The following CDH4 variants were observed in gnomAD, a reference collection of about 807,000 sequenced individuals.
The protein encoded by CDH4 is cadherin 4, also known as cadherin-4.
A neutral mutation model predicts 86.0 loss-of-function variants in CDH4; 33 were observed. The observed-to-expected ratio is 0.38, with a 90% CI of 0.29 to 0.51. The LOEUF (loss-of-function observed/expected upper bound fraction) is 0.51. CDH4 is among the 20% of genes least tolerant of loss of function. The pLI is 0.86. For missense variants in CDH4, 1,114 were observed against 1,307.4 expected, an observed-to-expected ratio of 0.85 and a Z score of 2.28; for synonymous variants, 555 against 549.4, an observed-to-expected ratio of 1.01 and a Z score of -0.14.
At chr20:61,617,089 A>G (rs930886308) in intron 2 of CDH4, among the ~76,000 whole-genome samples, 2 of 152,132 alleles carry the variant, frequency 1.3e-5, no homozygotes, top group Non-Finnish European at 2.9e-5. Flanking sequence ...CACTTGGTCC[A>G]TTTCTCAAGA....
chr20:61,388,473 G>A (rs1345001300), intron 2 of CDH4, among the ~76,000 whole-genome samples: 2 of 152,286 alleles, frequency 1.3e-5, no homozygotes, highest in Non-Finnish European at 1.5e-5. Context: ...CTGAGCCCTC[G>A]AAGGGGTGCA....
chr20:61,480,257 C>T lies in CDH4; in HGVS notation c.169+225320C>T, dbSNP rs1397068118. Among the ~76,000 whole-genome samples the T allele has an allele frequency of 2.0e-5, 3 of 152,140 alleles. No individual in the cohort carries two copies. The highest frequency in any genetic ancestry group is 4.4e-5 in the Non-Finnish European group (3 of 68,014). The stretch of plus-strand genomic sequence containing the variant: ...CCCCAGGCTCCCCCTCTCGTGGTAG[C>T]CTGGAAACTCCCCAAGCGGAAGCCG... On this transcript the variant is annotated intron_variant, in intron 2 of 15. Transcript: ENST00000614565. The surrounding 1 kb of genome is among the most constrained non-coding windows in gnomAD (Gnocchi z 5.2).
In CDH4 at chr20:61,597,687, C is replaced by T. The variant is rs369139054; in HGVS notation, c.170-145876C>T. The stretch of plus-strand genomic sequence containing the variant: ...AGGGCCTCCTTGGGTGGGTGGGAGG[C>T]AGGGGCAGCTTCAGCAGGGGTGCGC... On this transcript the variant is annotated intron_variant, in intron 2 of 15. Transcript: ENST00000614565. 7.9e-5 allele frequency among the ~76,000 whole-genome samples: 12 copies of T among 152,278 alleles called. No homozygotes were observed. The South Asian group carries it at 8.3e-4, about 11-fold the overall frequency.
intron 2 of CDH4, among the ~76,000 whole-genome samples, chr20:61,602,902 G>T (rs2086613904): frequency 6.6e-6 from 1 of 152,326 alleles, no homozygotes; most frequent in South Asian, 2.1e-4. Context: ...GTGGTCTCCA[G>T]ACCAGCGAAT....
chr20:61,699,034 C>T (rs931841913), intron 2 of CDH4, among the ~76,000 whole-genome samples: 1 of 152,264 alleles, frequency 6.6e-6, no homozygotes, highest in African/African-American at 2.4e-5. Context: ...CAGGTCCCCA[C>T]AGTGGCTGGT....
At chr20:61,519,922 G>A (rs1040094085) in intron 2 of CDH4, among the ~76,000 whole-genome samples, 6 of 152,218 alleles carry the variant, frequency 3.9e-5, no homozygotes, top group Admixed American at 2.6e-4. Context: ...AGTGGTGCCC[G>A]CCGACTCTGC....
At position 61,929,855 on chromosome 20, in the gene CDH4, G is replaced by A. The variant is rs754057099; in HGVS notation, c.2239+13G>A. The A allele has an allele frequency of 1.9e-6, 3 of 1,605,160 alleles. No homozygotes were observed. Among genetic ancestry groups the A allele is most frequent in the Non-Finnish European group, 2.6e-6 (3 of 1,172,344 alleles). ...CTCATCCTGCTGAGTGAGTGTGGCT[G>A]AGCACCAGGGTGGGCAGGGGCATTG... On this transcript the variant is annotated intron_variant, in intron 13 of 15. Transcript: ENST00000614565.
chr20:61,876,985 T>C lies in CDH4; in HGVS notation c.1050+3085T>C, dbSNP rs147374015. ...ACAAGGCCCCGGCAGTTAGTATGGG[T>C]GCAGGCTCTGACCTTGGGAGGGATC... On this transcript the variant is annotated intron_variant, in intron 7 of 15. Transcript: ENST00000614565. 6.1e-3 allele frequency among the ~76,000 whole-genome samples: 930 copies of C among 152,242 alleles called. 8 individuals carry two copies. Among genetic ancestry groups the C allele is most frequent in the African/African-American group, 0.022 (898 of 41,548 alleles).
At chr20:61,430,035 A>G (rs2085237541) in intron 2 of CDH4, among the ~76,000 whole-genome samples, 1 of 152,176 alleles carries the variant, frequency 6.6e-6, no homozygotes, top group East Asian at 1.9e-4. Flanking sequence ...AGCCGCAGAG[A>G]TTCTGAGTCA....
rs757980136 is a variant in CDH4 at position 61,870,473 on chromosome 20, G to A, written c.878-3255G>A. ...TCAGTGAGTACAACAGACAGTGCCC[G>A]ATCCCTTCTTCCCTCACTGGTCAGG... is the stretch of plus-strand genomic sequence containing the variant. On this transcript the variant is annotated intron_variant, in intron 6 of 15. Coordinates refer to ENST00000614565, the MANE Select transcript of CDH4 (RefSeq NM_001794.5). Among the ~76,000 whole-genome samples the A allele has an allele frequency of 7.2e-5, 11 of 152,054 alleles. No individual in the cohort carries two copies. In the East Asian group the frequency reaches 9.7e-4, roughly 13 times the overall value.
intron 4 of CDH4, among the ~76,000 whole-genome samples, chr20:61,809,704 G>C (rs182450874): frequency 6.6e-6 from 1 of 152,198 alleles, no homozygotes; most frequent in Non-Finnish European, 1.5e-5. Context: ...GAGGGGTTCC[G>C]GTAGAAAGCA....
chr20:61,308,833 C>T (rs2084430720), intron 2 of CDH4, among the ~76,000 whole-genome samples: 1 of 152,196 alleles, frequency 6.6e-6, no homozygotes, highest in African/African-American at 2.4e-5. Context: ...TACTTCAATG[C>T]CCCTCTTCCT....
At chr20:61,333,008 T>C (rs2123267430) in intron 2 of CDH4, among the ~76,000 whole-genome samples, 1 of 152,332 alleles carries the variant, frequency 6.6e-6, no homozygotes, top group Non-Finnish European at 1.5e-5. Flanking sequence ...CTGGGCAAAG[T>C]CTTTATTTTT....
rs1194205635 is a variant in CDH4, at chr20:61,509,272, G to A, written c.170-234291G>A. Among the ~76,000 whole-genome samples the A allele has an allele frequency of 3.3e-5, 5 of 151,866 alleles. No individual in the cohort carries two copies. The East Asian group carries it at 5.8e-4, about 18-fold the overall frequency. On this transcript the variant is annotated intron_variant, in intron 2 of 15. Transcript: ENST00000614565. ...TCTCAGAGCCCCACCGTCAGCCAGC[G>A]CCTAAACTATGCCTCCTGCCCTCAG...
intron 4 of CDH4, among the ~76,000 whole-genome samples, chr20:61,837,761 A>AC (rs34025235): frequency 6.1e-4 from 92 of 150,576 alleles, no homozygotes; most frequent in South Asian, 3.6e-3. Context: ...AGAACAGAGC[A>AC]CCCCCCCCGT....
At chr20:61,372,479 C>A (rs150138050) in intron 2 of CDH4, among the ~76,000 whole-genome samples, 1 of 152,244 alleles carries the variant, frequency 6.6e-6, no homozygotes, top group African/African-American at 2.4e-5. Flanking sequence ...TGCAGACCCA[C>A]CTCAGGGGCC....
intron 3 of CDH4, among the ~76,000 whole-genome samples, chr20:61,750,470 C>G (rs1340414008): frequency 6.6e-6 from 1 of 152,054 alleles, no homozygotes; most frequent in Non-Finnish European, 1.5e-5. Context: ...AACTAAAATC[C>G]TTATCACAAA....
Position 61,544,262 on chromosome 20 carries a change from G to T in CDH4, c.170-199301G>T, listed in dbSNP as rs561618651. Among the ~76,000 whole-genome samples the T allele has an allele frequency of 3.3e-5, 5 of 152,126 alleles. No individual in the cohort carries two copies. The highest frequency in any genetic ancestry group is 5.9e-5 in the Non-Finnish European group (4 of 68,014). On this transcript the variant is annotated intron_variant, in intron 2 of 15. Transcript: ENST00000614565. The surrounding 1 kb of genome is among the most constrained non-coding windows in gnomAD (Gnocchi z 6.5). ...TTGTGTATGTATATGGCGGGGTACG[G>T]CTGACATCGAGCGGGTGGAGGCTGG...
At chr20:61,354,776 C>T (rs1251150272) in intron 2 of CDH4, among the ~76,000 whole-genome samples, 1 of 152,146 alleles carries the variant, frequency 6.6e-6, no homozygotes, top group African/African-American at 2.4e-5. Context: ...ATGACCAGCC[C>T]AGTTTTGATC....
Sources: gnomAD v4.1 joint callset for allele counts (sites outside exome capture counted in the v4.1 genomes callset) on GRCh38, gnomAD v4.1.1 for gene constraint, Gnocchi (gnomAD v3.1) non-coding constraint, MANE v1.5 for transcripts, NCBI Gene and HGNC (gene_info 2026-07-23, HGNC 2026-07-21) for gene names.